CADPS: variants seen among roughly 807,000 people sequenced by gnomAD.
The protein encoded by CADPS is calcium dependent secretion activator.
Under a neutral mutation model 167.3 loss-of-function variants are expected in CADPS, and 57 were observed. The observed-to-expected ratio is 0.34, with a 90% CI of 0.28 to 0.42. CADPS has a LOEUF of 0.42. CADPS is among the 20% of genes least tolerant of loss of function. CADPS has a pLI of 1.00. For missense variants in CADPS, 1,414 were observed against 1,738.1 expected (o/e 0.81, Z 3.32); for synonymous variants, 676 against 635.3 (o/e 1.06, Z -0.96).
At chr3:62,780,082 A>G (rs1041602216) in intron 1 of CADPS, among the ~76,000 whole-genome samples, 1 of 151,912 alleles carries the variant, frequency 6.6e-6, no homozygotes, top group Non-Finnish European at 1.5e-5. Flanking sequence ...TTTTTCTTCC[A>G]GGCTGGTCTC....
intron 6 of CADPS, among the ~76,000 whole-genome samples, chr3:62,635,463 T>C (rs188277176): frequency 2.0e-5 from 3 of 152,282 alleles, no homozygotes; most frequent in African/African-American, 4.8e-5. Flanking sequence ...CATTATTAGA[T>C]TGTATAGTGT....
At chr3:62,830,892 T>A (rs1577019595) in intron 1 of CADPS, among the ~76,000 whole-genome samples, 1 of 152,186 alleles carries the variant, frequency 6.6e-6, no homozygotes, top group East Asian at 1.9e-4. Context: ...TCACATATCC[T>A]CATGCAAATT....
chr3:62,456,428 A>G (rs1020502566), intron 26 of CADPS, among the ~76,000 whole-genome samples: 1 of 152,200 alleles, frequency 6.6e-6, no homozygotes, highest in Non-Finnish European at 1.5e-5. Context: ...CTGGGTAGAC[A>G]TGGTTGCCTG....
At chr3:62,763,153 AC>A in intron 2 of CADPS, among the ~76,000 whole-genome samples, 1 of 151,982 alleles carries the variant, frequency 6.6e-6, no homozygotes, top group East Asian at 1.9e-4. Context: ...CTAAGCCTTA[AC>A]CCCCCAGTCT....
intron 9 of CADPS, among the ~76,000 whole-genome samples, chr3:62,564,796 G>A (rs2079834435): frequency 6.6e-6 from 1 of 151,772 alleles, no homozygotes; most frequent in South Asian, 2.1e-4. Flanking sequence ...TAGTAGAGAT[G>A]GGGTTTCACC....
At chr3:62,453,760 A>G (rs552284165) in intron 26 of CADPS, among the ~76,000 whole-genome samples, 1 of 152,308 alleles carries the variant, frequency 6.6e-6, no homozygotes, top group South Asian at 2.1e-4. Context: ...CCCTTAAAGT[A>G]TATCTGGAAT....
At position 62,399,551 on chromosome 3, in the gene CADPS, A is replaced by C; in HGVS notation, c.3917T>G (p.Leu1306Arg). Residue 1306 changes from leucine to arginine, a missense_variant, in exon 30 of 30, where the codon CTG (leucine) becomes CGG (arginine). Physicochemically the swap from Leu to Arg is moderately radical, Grantham distance 102. Transcript: ENST00000383710. The surrounding 1 kb of genome is among the most constrained non-coding windows in gnomAD (Gnocchi z 5.6). ...TYRDFRLQGV[L>R]DSTLNSKTYE... ...GGTCTTGCTGTTTAAGGTGGAGTCC[A>C]GGACCCCTTGCAATCGGAAATCTCT... 6.2e-7 allele frequency: 1 copy of C among 1,614,132 alleles called. No homozygotes were observed. Among genetic ancestry groups the C allele is most frequent in the Non-Finnish European group, 8.5e-7 (1 of 1,179,974 alleles).
intron 6 of CADPS, among the ~76,000 whole-genome samples, chr3:62,631,754 G>A (rs552939305): frequency 5.6e-4 from 86 of 152,272 alleles, no homozygotes; most frequent in African/African-American, 2.0e-3. Context: ...TATACAAACA[G>A]CTGAACCATA....
At chr3:62,603,661 T>G (rs1380876864) in intron 6 of CADPS, among the ~76,000 whole-genome samples, 3 of 152,196 alleles carry the variant, frequency 2.0e-5, no homozygotes, top group Admixed American at 6.5e-5. Context: ...CATTTCCTTT[T>G]GATTCTTTCT....
At chr3:62,540,783 C>T (rs1056427465) in intron 11 of CADPS, among the ~76,000 whole-genome samples, 1 of 152,136 alleles carries the variant, frequency 6.6e-6, no homozygotes, top group Non-Finnish European at 1.5e-5. Flanking sequence ...TGCACTGTCC[C>T]GGTCTGTTCT....
intron 28 of CADPS, among the ~76,000 whole-genome samples, chr3:62,428,429 A>G (rs2053229167): frequency 6.7e-6 from 1 of 148,366 alleles, no homozygotes. Flanking sequence ...GTGCTGTTCC[A>G]GTTCCTTCTT....
Position 62,550,035 on chromosome 3 carries a change from G to A in CADPS, c.1834C>T (p.Arg612Cys). The change falls in exon 11 of 30, where the codon CGC becomes TGC. Residue 612 changes from arginine to cysteine, a missense_variant. Arg to Cys is a radical substitution (Grantham distance 180). This residue lies in a region of CADPS where 529 missense variants were observed against 629.6 expected (regional missense o/e 0.84). Coordinates refer to ENST00000383710, the MANE Select transcript of CADPS (RefSeq NM_003716.4). Reference protein sequence around the residue: ...VIFASDDEQDRILWVQAMYRA... With the variant: ...VIFASDDEQDCILWVQAMYRA... ...TACATGGCCTGGACCCACAGGATGC[G>A]GTCTTGTTCATCGTCACTGGCAAAT... is the stretch of plus-strand genomic sequence containing the variant. 2 of 1,614,036 alleles carry A rather than the reference G, an allele frequency of 1.2e-6. No homozygotes were observed. The highest frequency in any genetic ancestry group is 1.7e-6 in the Non-Finnish European group (2 of 1,179,956).
chr3:62,670,410 G>A (rs978876831), intron 3 of CADPS, among the ~76,000 whole-genome samples: 1 of 152,122 alleles, frequency 6.6e-6, no homozygotes, highest in African/African-American at 2.4e-5. Context: ...CTAATCTGTG[G>A]AAGAGTTAAA....
At chr3:62,558,818 C>T (rs2078652586) in intron 9 of CADPS, among the ~76,000 whole-genome samples, 1 of 152,196 alleles carries the variant, frequency 6.6e-6, no homozygotes, top group Non-Finnish European at 1.5e-5. Flanking sequence ...GTTTGCAGAA[C>T]TTCTTCCTTA....
intron 28 of CADPS, chr3:62,404,775 A>ATTTTTTTTTTTTTTTTTTTTTTTTTTTTT (rs35095820): frequency 1.0e-5 from 1 of 99,726 alleles, no homozygotes. Context: ...TAGGAAGTAG[A>ATTTTTTTTTTTTTTTTTTTTTTTTTTTTT]TTTTTTTTTT....
intron 18 of CADPS, among the ~76,000 whole-genome samples, chr3:62,496,996 A>G (rs1357435604): frequency 6.6e-6 from 1 of 152,154 alleles, no homozygotes; most frequent in Non-Finnish European, 1.5e-5. Flanking sequence ...CTAAGTTTTA[A>G]AGTTGGTAAT....
intron 28 of CADPS, among the ~76,000 whole-genome samples, chr3:62,436,212 T>C (rs1462755886): frequency 6.6e-6 from 1 of 152,138 alleles, no homozygotes. Context: ...GGATTATTTG[T>C]CAATTAAGTA....
At chr3:62,598,657 C>T (rs2059260501) in intron 6 of CADPS, among the ~76,000 whole-genome samples, 1 of 152,188 alleles carries the variant, frequency 6.6e-6, no homozygotes, top group South Asian at 2.1e-4. Context: ...ACAATTATCA[C>T]CTCCAGAGTT....
At chr3:62,530,237 T>A (rs926567904) in intron 13 of CADPS, among the ~76,000 whole-genome samples, 5 of 152,216 alleles carry the variant, frequency 3.3e-5, no homozygotes, top group African/African-American at 1.2e-4. Context: ...ATGGCACTAC[T>A]ATAAATGCAT....
Sources: allele counts gnomAD v4.1 joint callset (sites outside exome capture counted in the v4.1 genomes callset), GRCh38; gene constraint gnomAD v4.1.1; regional missense constraint gnomAD v4.1.1; non-coding constraint Gnocchi (gnomAD v3.1); transcripts MANE v1.5; gene names NCBI Gene and HGNC (gene_info 2026-07-23, HGNC 2026-07-21).